Variants in RNF38 observed in about 807,000 individuals in gnomAD.
RNF38 encodes the protein E3 ubiquitin-protein ligase RNF38.
Under a neutral mutation model 67.2 loss-of-function variants are expected in RNF38, and 15 were observed. That is an observed-to-expected ratio of 0.22 (90% CI 0.15 to 0.34). RNF38 has a LOEUF of 0.34. RNF38 is among the 10% of genes least tolerant of loss of function. The pLI is 1.00. For synonymous variants in RNF38, 220 were observed against 218.8 expected, an observed-to-expected ratio of 1.01 and a Z score of -0.05; for missense variants, 524 against 639.9, an observed-to-expected ratio of 0.82 and a Z score of 1.95.
chr9:36,463,318 T>A (rs1839780116), intron 1 of RNF38, among the ~76,000 whole-genome samples: 1 of 152,160 alleles, frequency 6.6e-6, no homozygotes, highest in South Asian at 2.1e-4. Flanking sequence ...GCCCCGCACA[T>A]TATGAAGTAA....
intron 1 of RNF38, among the ~76,000 whole-genome samples, chr9:36,453,179 T>C (rs12335818): frequency 0.35 from 53,654 of 151,916 alleles, 9,567 homozygotes; most frequent in Non-Finnish European, 0.39. Flanking sequence ...TCTTCTATTA[T>C]TATAGCCATC....
intron 1 of RNF38, among the ~76,000 whole-genome samples, chr9:36,446,050 G>T (rs1441463256): frequency 2.0e-5 from 3 of 152,064 alleles, no homozygotes; most frequent in Non-Finnish European, 4.4e-5. Context: ...CTCTTACACA[G>T]GGAAGTCCAC....
chr9:36,345,943 C>G (rs941652736), intron 9 of RNF38, among the ~76,000 whole-genome samples: 6 of 152,192 alleles, frequency 3.9e-5, no homozygotes, highest in African/African-American at 1.2e-4. Flanking sequence ...GATGTGAATA[C>G]TTATACCATA....
intron 1 of RNF38, among the ~76,000 whole-genome samples, chr9:36,484,515 A>G (rs1418824619): frequency 6.6e-6 from 1 of 152,182 alleles, no homozygotes; most frequent in African/African-American, 2.4e-5. Context: ...CCTACACCCA[A>G]CATTACCAAA....
At chr9:36,368,856 A>G (rs1446898047) in intron 4 of RNF38, among the ~76,000 whole-genome samples, 3 of 151,690 alleles carry the variant, frequency 2.0e-5, no homozygotes, top group African/African-American at 7.3e-5. Context: ...AAATCCAGCA[A>G]TTTTTATAAG....
At chr9:36,428,793 C>T (rs1732290218) in intron 1 of RNF38, among the ~76,000 whole-genome samples, 1 of 152,044 alleles carries the variant, frequency 6.6e-6, no homozygotes, top group African/African-American at 2.4e-5. Flanking sequence ...TAAAGACAGC[C>T]CTGAGCATTT....
chr9:36,366,843 C>T (rs543814813), intron 4 of RNF38, among the ~76,000 whole-genome samples: 2 of 152,184 alleles, frequency 1.3e-5, no homozygotes, highest in African/African-American at 4.8e-5. Flanking sequence ...GTTTATTGCT[C>T]GCTGTTCTTG....
chr9:36,397,022 TGTGTATATAC>T (rs556007963), intron 1 of RNF38, among the ~76,000 whole-genome samples: 1,574 of 150,388 alleles, frequency 0.01, 11 homozygotes, highest in African/African-American at 0.016. Flanking sequence ...TGTGTGTGTG[TGTGTATATAC>T]GTATATACGT....
upstream of RNF38, chr9:36,401,038 G>A: frequency 5.1e-6 from 5 of 984,736 alleles, no homozygotes; most frequent in Non-Finnish European, 6.0e-6. Context: ...GACACGCGCG[G>A]TCCTCCCACT....
intron 2 of RNF38, among the ~76,000 whole-genome samples, chr9:36,419,161 G>A (rs1838554869): frequency 6.6e-6 from 1 of 152,130 alleles, no homozygotes; most frequent in South Asian, 2.1e-4. Flanking sequence ...TCAGATTTGG[G>A]ATGCTCAACC....
At chr9:36,450,593 A>G (rs1839412644) in intron 1 of RNF38, among the ~76,000 whole-genome samples, 2 of 152,102 alleles carry the variant, frequency 1.3e-5, no homozygotes, top group African/African-American at 2.4e-5. Context: ...TTCCTAACTT[A>G]ATCATCACTA....
chr9:36,451,645 C>T (rs1393587950), intron 1 of RNF38, among the ~76,000 whole-genome samples: 1 of 151,374 alleles, frequency 6.6e-6, no homozygotes, highest in Non-Finnish European at 1.5e-5. Flanking sequence ...GGATTACAGG[C>T]ATGTGCCACC....
At chr9:36,344,116 C>T (rs1012371860) in intron 10 of RNF38, among the ~76,000 whole-genome samples, 6 of 152,182 alleles carry the variant, frequency 3.9e-5, no homozygotes, top group Admixed American at 1.3e-4. Context: ...TGGGCTCAAG[C>T]AATTCTCCCT....
At chr9:36,409,535 G>A (rs1838272095) in intron 2 of RNF38, among the ~76,000 whole-genome samples, 1 of 152,186 alleles carries the variant, frequency 6.6e-6, no homozygotes, top group African/African-American at 2.4e-5. Flanking sequence ...TTTCCATTAT[G>A]TTCAATGAGG....
chr9:36,392,359 T>G (rs1239778911), intron 1 of RNF38, among the ~76,000 whole-genome samples: 4 of 152,200 alleles, frequency 2.6e-5, no homozygotes, highest in African/African-American at 9.7e-5. Context: ...GAATGTGCTA[T>G]CCTTTACCAT....
At position 36,353,352 on chromosome 9, in the gene RNF38, A is replaced by C. The variant is rs199561642; in HGVS notation, c.910-21T>G. ...AGAGGCTGAGGAGGGGGAAAAAAAA[A>C]CACATATATGTATATATATATATAC... On this transcript the variant is annotated intron_variant, in intron 6 of 11. Coordinates refer to ENST00000259605, the MANE Select transcript of RNF38 (RefSeq NM_022781.5). The C allele has an allele frequency of 2.0e-4, 299 of 1,510,266 alleles. 1 individual carries two copies. In the South Asian group the frequency reaches 2.4e-3, roughly 12 times the overall value. The allele number at this position is 1,510,266 out of a possible 1,614,324, so 93.6% of individuals were successfully genotyped here.
At chr9:36,482,619 C>G (rs192072937) in intron 1 of RNF38, among the ~76,000 whole-genome samples, 4 of 152,296 alleles carry the variant, frequency 2.6e-5, no homozygotes, top group Admixed American at 2.6e-4. Context: ...TCCCAAAGTG[C>G]TGGGATTATA....
At chr9:36,477,241 T>C (rs991552835) in intron 1 of RNF38, among the ~76,000 whole-genome samples, 4 of 150,792 alleles carry the variant, frequency 2.7e-5, no homozygotes, top group African/African-American at 9.8e-5. Context: ...GAGAACTGCT[T>C]GAACCTGGGA....
intron 1 of RNF38, among the ~76,000 whole-genome samples, chr9:36,454,459 A>G (rs1839535566): frequency 6.6e-6 from 1 of 152,104 alleles, no homozygotes; most frequent in South Asian, 2.1e-4. Context: ...CCTAGAAAAC[A>G]AAATATCATA....
Sources: gnomAD v4.1 joint callset for allele counts (sites outside exome capture counted in the v4.1 genomes callset) on GRCh38, gnomAD v4.1.1 for gene constraint, MANE v1.5 for transcripts, NCBI Gene and HGNC (gene_info 2026-07-23, HGNC 2026-07-21) for gene names.